Variants in TRIM36 observed in about 807,000 individuals in gnomAD.
TRIM36 encodes the protein E3 ubiquitin-protein ligase TRIM36.
TRIM36 carries 42 observed loss-of-function variants against 72.4 expected under a neutral mutation model. That is an observed-to-expected ratio of 0.58 (90% CI 0.45 to 0.75). TRIM36 has a LOEUF of 0.75. Among genes scored for constraint, TRIM36 ranks in the 30% least tolerant of loss-of-function variants. TRIM36 has a pLI of 0.00. For missense variants in TRIM36, 913 were observed against 857.1 expected, an observed-to-expected ratio of 1.07 and a Z score of -0.81; for synonymous variants, 315 against 282.8, an observed-to-expected ratio of 1.11 and a Z score of -1.14.
intron 2 of TRIM36, among the ~76,000 whole-genome samples, chr5:115,158,131 A>G (rs966851805): frequency 9.4e-6 from 1 of 106,104 alleles, no homozygotes; most frequent in Non-Finnish European, 1.8e-5. Flanking sequence ...AAAATTTTAA[A>G]AATGAAAGAA....
chr5:115,150,252 G>C (rs1182299869), intron 2 of TRIM36, among the ~76,000 whole-genome samples: 1 of 152,216 alleles, frequency 6.6e-6, no homozygotes, highest in African/African-American at 2.4e-5. Context: ...AAATGGAAGA[G>C]TCAACTTTCT....
chr5:115,162,997 G>A (rs1167823032), intron 2 of TRIM36, among the ~76,000 whole-genome samples: 1 of 142,484 alleles, frequency 7.0e-6, no homozygotes, highest in Non-Finnish European at 1.5e-5. Flanking sequence ...CACTCTTGTT[G>A]CCCAGGCTGG....
In TRIM36 at chr5:115,130,573, G is replaced by C. The variant is rs762735981; in HGVS notation, c.1796+19C>G. ...ACTTTTAAAAAATTATCAAGTTCTA[G>C]ATCAATACAAAAACCTACCTTGGAC... On this transcript the variant is annotated intron_variant, in intron 9 of 9. Coordinates refer to ENST00000513154, the MANE Select transcript of TRIM36 (RefSeq NM_001300759.2). 1.2e-6 allele frequency: 2 copies of C among 1,603,710 alleles called. No homozygotes were observed. Among genetic ancestry groups the C allele is most frequent in the East Asian group, 4.5e-5 (2 of 44,752 alleles).
intron 8 of TRIM36, 45 bp from the exon 9 acceptor site, chr5:115,130,934 C>T: frequency 6.4e-7 from 1 of 1,553,810 alleles, no homozygotes; most frequent in Non-Finnish European, 8.7e-7. Context: ...ATTATCATTG[C>T]TCTAGTTTGT....
At chr5:115,156,220 T>A (rs1754173458) in intron 2 of TRIM36, among the ~76,000 whole-genome samples, 1 of 151,944 alleles carries the variant, frequency 6.6e-6, no homozygotes, top group South Asian at 2.1e-4. Flanking sequence ...ATCAATATTG[T>A]GAAAATGACC....
At chr5:115,169,565 A>T in intron 1 of TRIM36, 43 bp downstream of exon 1, 13 of 1,496,728 alleles carry the variant, frequency 8.7e-6, no homozygotes, top group Non-Finnish European at 1.2e-5. Context: ...CGCGGTCGGC[A>T]CACCGCCCTC....
chr5:115,148,410 C>CTTT, intron 2 of TRIM36: 2 of 698,702 alleles, frequency 2.9e-6, no homozygotes, highest in Non-Finnish European at 3.4e-6. Flanking sequence ...ATTTGTAAAT[C>CTTT]TGTTCTTTTT....
Position 115,126,502 on chromosome 5 carries a change from A to G in TRIM36, c.*1T>C. On this transcript the variant is annotated 3_prime_UTR_variant, in exon 10 of 10. Coordinates refer to ENST00000513154, the MANE Select transcript of TRIM36 (RefSeq NM_001300759.2). ...ATCCTGAGTCACATCAGATGTTTCA[A>G]CTACATGTCCTCTTGGTATTCCAGA... is the stretch of plus-strand genomic sequence containing the variant. 6.2e-7 allele frequency: 1 copy of G among 1,600,794 alleles called. No individual in the cohort carries two copies. The highest frequency in any genetic ancestry group is 8.5e-7 in the Non-Finnish European group (1 of 1,169,640).
chr5:115,143,788 T>C (rs1373365439), intron 4 of TRIM36, among the ~76,000 whole-genome samples: 1 of 152,358 alleles, frequency 6.6e-6, no homozygotes, highest in East Asian at 1.9e-4. Context: ...GATAGTAGTG[T>C]ACTGCTGCCT....
chr5:115,145,585 G>A (rs1388413701), intron 3 of TRIM36, among the ~76,000 whole-genome samples: 1 of 152,042 alleles, frequency 6.6e-6, no homozygotes, highest in Non-Finnish European at 1.5e-5. Flanking sequence ...AGAGTGCAGT[G>A]GTGCAATCTT....
upstream of TRIM36, chr5:115,169,976 T>C (rs1755020904): frequency 8.7e-7 from 1 of 1,150,200 alleles, no homozygotes; most frequent in Non-Finnish European, 1.1e-6. Flanking sequence ...CGTGGCCTGG[T>C]CGTTGCCCAG....
chr5:115,147,536 T>C (rs1753660100), intron 2 of TRIM36, 142 bp from the exon 3 acceptor site: 13 of 1,035,072 alleles, frequency 1.3e-5, no homozygotes, highest in South Asian at 3.7e-5. Context: ...AAATTTGTAT[T>C]GTGAAAATGT....
intron 9 of TRIM36, among the ~76,000 whole-genome samples, chr5:115,127,284 G>C (rs1165862707): frequency 2.6e-5 from 4 of 152,232 alleles, no homozygotes; most frequent in African/African-American, 7.2e-5. Flanking sequence ...ATTTCAGTTG[G>C]GTGCAGTGGC....
At chr5:115,169,556 G>A (rs527852354) in intron 1 of TRIM36, 52 bp downstream of exon 1, 4 of 1,486,304 alleles carry the variant, frequency 2.7e-6, no homozygotes, top group African/African-American at 1.4e-5. Context: ...AGAAAGAGCC[G>A]CGGTCGGCAC....
chr5:115,126,752 G>C lies in TRIM36; in HGVS notation c.1902C>G (p.Pro634=). ...GTTCATTAGAAGAAGTAGGTGACTT[G>C]GGTATAAAAAATTTCTGCATGCCTA... ...VTIGMQKFFI[P]KSPTSSNEPE... is the part of the protein sequence containing the mutation. Residue 634 remains proline, a synonymous_variant, in exon 10 of 10, where the codon CCC becomes CCG. Transcript: ENST00000513154. 6 of 1,614,104 alleles carry C rather than the reference G, an allele frequency of 3.7e-6. 1 individual carries two copies. The highest frequency in any genetic ancestry group is 3.3e-5 in the South Asian group (3 of 91,072).
At chr5:115,178,853 A>C (rs1287154117) in intron 1 of TRIM36, among the ~76,000 whole-genome samples, 1 of 152,198 alleles carries the variant, frequency 6.6e-6, no homozygotes, top group Non-Finnish European at 1.5e-5. Context: ...TTTTAGGCTA[A>C]GAGTGCATTA....
intron 2 of TRIM36, among the ~76,000 whole-genome samples, chr5:115,162,265 T>G (rs546964941): frequency 6.6e-6 from 1 of 152,310 alleles, no homozygotes; most frequent in African/African-American, 2.4e-5. Flanking sequence ...GGGAGAAACA[T>G]CCCAGTAATG....
At chr5:115,149,098 T>C (rs1753750956) in intron 2 of TRIM36, 1 of 152,206 alleles carries the variant, frequency 6.6e-6, no homozygotes. Context: ...TTTTAACGTT[T>C]ACATTTTTAA....
At chr5:115,174,808 C>G (rs1755263444), upstream of TRIM36, among the ~76,000 whole-genome samples, 1 of 152,130 alleles carries the variant, frequency 6.6e-6, no homozygotes, top group South Asian at 2.1e-4. Flanking sequence ...AAGACAAAAT[C>G]TAGTAAGCAT....
Sources: allele counts gnomAD v4.1 joint callset (sites outside exome capture counted in the v4.1 genomes callset), GRCh38; gene constraint gnomAD v4.1.1; transcripts MANE v1.5; gene names NCBI Gene and HGNC (gene_info 2026-07-23, HGNC 2026-07-21).